The following ZNF10 variants were observed in gnomAD, a reference collection of about 807,000 sequenced individuals.
The protein encoded by ZNF10 is zinc finger protein 10.
In ZNF10, 8 loss-of-function variants were observed where a neutral mutation model predicts 12.2. That is an observed-to-expected ratio of 0.66 (90% CI 0.39 to 1.18). The LOEUF is 1.18. Ranked by LOEUF, ZNF10 falls within the 50% of genes most tolerant of loss-of-function variation. The pLI is 0.01. For missense variants in ZNF10, 603 were observed against 678.9 expected, an observed-to-expected ratio of 0.89 and a Z score of 1.24; for synonymous variants, 229 against 228.2, an observed-to-expected ratio of 1.00 and a Z score of -0.03.
chr12:133,148,007 T>G (rs1304570544), intron 2 of ZNF10, among the ~76,000 whole-genome samples: 1 of 152,174 alleles, frequency 6.6e-6, no homozygotes, highest in Non-Finnish European at 1.5e-5. Flanking sequence ...TAATGTGATT[T>G]GCAAATATTA....
In ZNF10 at chr12:133,158,946, C is replaced by T. The variant is rs990763312; in HGVS notation, c.*1978C>T. On this transcript the variant is annotated 3_prime_UTR_variant, in exon 5 of 5. Coordinates refer to ENST00000248211, the MANE Select transcript of ZNF10 (RefSeq NM_015394.5). ...GCTGCTCTTCTCACTGTGTACACACCATGCCCACATACAACATACCTATCA... is the reference window on the plus strand; with the variant it reads ...GCTGCTCTTCTCACTGTGTACACACTATGCCCACATACAACATACCTATCA... 3 of 152,192 alleles carry T rather than the reference C, an allele frequency of 2.0e-5. No homozygotes were observed. Among genetic ancestry groups the T allele is most frequent in the African/African-American group, 7.2e-5 (3 of 41,438 alleles). The allele number at this position is 152,192 out of a possible 1,614,324, so 9.4% of individuals were successfully genotyped here. A position where few individuals can be genotyped will look rare whatever the true frequency, so the allele number is the denominator to read the frequency against.
intron 4 of ZNF10, among the ~76,000 whole-genome samples, chr12:133,153,724 GC>G (rs1481564455): frequency 1.3e-5 from 2 of 152,152 alleles, no homozygotes; most frequent in Non-Finnish European, 2.9e-5. Flanking sequence ...GTTTCCTGGG[GC>G]TGCGGTAACA....
In ZNF10 at chr12:133,155,848, T is replaced by G; in HGVS notation, c.602T>G (p.Leu201Arg). 6.2e-7 allele frequency: 1 copy of G among 1,613,510 alleles called. No individual in the cohort carries two copies. The highest frequency in any genetic ancestry group is 8.5e-7 in the Non-Finnish European group (1 of 1,179,792). Residue 201 changes from leucine to arginine, a missense_variant, in exon 5 of 5, where the codon CTT (leucine) becomes CGT (arginine). Leu to Arg is a moderately radical substitution (Grantham distance 102). Coordinates refer to ENST00000248211, the MANE Select transcript of ZNF10 (RefSeq NM_015394.5). ...HTKSLKHDLV[L>R]NGHQDSCASN... Reference sequence around the variant, plus strand: ...AAAAGTTTAAAACATGATTTAGTTCTTAATGGTCATCAGGACAGTTGTGCA... The same window carrying G: ...AAAAGTTTAAAACATGATTTAGTTCGTAATGGTCATCAGGACAGTTGTGCA...
At chr12:133,132,538 G>T (rs1205633018) in intron 1 of ZNF10, among the ~76,000 whole-genome samples, 1 of 152,008 alleles carries the variant, frequency 6.6e-6, no homozygotes, top group Non-Finnish European at 1.5e-5. Context: ...GTATTTTAAG[G>T]AAAAAGAAAT....
rs761110981 is a variant in ZNF10 at position 133,155,766 on chromosome 12, C to T, written c.520C>T (p.Leu174Phe). The change falls in exon 5 of 5, where the codon CTT (leucine) becomes TTT (phenylalanine). Residue 174 changes from leucine (L) to phenylalanine (F), a missense_variant. Physicochemically the swap from Leu to Phe is conservative, Grantham distance 22. Around this residue, in one of 3 missense-constraint regions of ZNF10, gnomAD observed 393 missense variants for 399.7 expected, o/e 0.98. Transcript: ENST00000248211. The part of the protein sequence containing the change: ...SESGKYGGNC[L>F]LPAQLVLREY... ...AAGTGGTAAATATGGGGGAAACTGT[C>T]TTCTTCCTGCTCAGCTAGTACTGAG... is the stretch of plus-strand genomic sequence containing the variant. 1.9e-6 allele frequency: 3 copies of T among 1,613,118 alleles called. No homozygotes were observed. Among genetic ancestry groups the T allele is most frequent in the Admixed American group, 1.7e-5 (1 of 59,864 alleles).
intron 1 of ZNF10, among the ~76,000 whole-genome samples, chr12:133,142,144 C>T (rs1280097450): frequency 5.3e-5 from 8 of 152,004 alleles, no homozygotes; most frequent in Non-Finnish European, 1.0e-4. Flanking sequence ...AGAAACAGGC[C>T]GGGCGCGGTG....
intron 2 of ZNF10, among the ~76,000 whole-genome samples, chr12:133,145,441 A>G (rs12315208): frequency 0.24 from 37,185 of 152,086 alleles, 4,985 homozygotes; most frequent in Non-Finnish European, 0.3. Flanking sequence ...GTATAATACT[A>G]TGAGACAGAC....
Position 133,151,922 on chromosome 12 carries a change from G to C in ZNF10, c.256+18G>C. On this transcript the variant is annotated intron_variant, in intron 4 of 4. Coordinates refer to ENST00000248211, the MANE Select transcript of ZNF10 (RefSeq NM_015394.5). ...CCATCCTGGTGAGGACCAGTCAAGA[G>C]TTGTCATAGGCAGCAGCCCAGATGG... is the stretch of plus-strand genomic sequence containing the variant. 6.2e-7 allele frequency: 1 copy of C among 1,607,018 alleles called. No homozygotes were observed. The highest frequency in any genetic ancestry group is 8.5e-7 in the Non-Finnish European group (1 of 1,174,240).
intron 1 of ZNF10, among the ~76,000 whole-genome samples, chr12:133,142,249 C>G (rs1403608109): frequency 6.6e-6 from 1 of 151,958 alleles, no homozygotes; most frequent in Admixed American, 6.6e-5. Context: ...ATGGTGAAAC[C>G]CCGTCTCTAC....
At chr12:133,145,929 G>C (rs1399599572) in intron 2 of ZNF10, among the ~76,000 whole-genome samples, 1 of 152,042 alleles carries the variant, frequency 6.6e-6, no homozygotes, top group African/African-American at 2.4e-5. Flanking sequence ...ACCTTTCAGT[G>C]GTGTCCCCAT....
chr12:133,157,449 G>A lies in ZNF10; in HGVS notation c.*481G>A, dbSNP rs894211535. ...TTTAGTAGTGTTTGGTATGTTTTAT[G>A]TGTCTGGTAGAAACCATATTTTGGT... On this transcript the variant is annotated 3_prime_UTR_variant, in exon 5 of 5. Coordinates refer to ENST00000248211, the MANE Select transcript of ZNF10 (RefSeq NM_015394.5). The A allele has an allele frequency of 5.9e-5, 9 of 152,352 alleles. No homozygotes were observed. Among genetic ancestry groups the A allele is most frequent in the African/African-American group, 2.2e-4 (9 of 41,446 alleles). The allele number at this position is 152,352 out of a possible 1,614,324, so 9.4% of individuals were successfully genotyped here. A position where few individuals can be genotyped will look rare whatever the true frequency, so the allele number is the denominator to read the frequency against.
intron 4 of ZNF10, among the ~76,000 whole-genome samples, chr12:133,155,186 T>C (rs758132894): frequency 8.5e-4 from 129 of 152,194 alleles, no homozygotes; most frequent in Non-Finnish European, 1.4e-3. Flanking sequence ...ACTGTTAATA[T>C]CTGGATTAGA....
intron 1 of ZNF10, among the ~76,000 whole-genome samples, chr12:133,135,611 T>C (rs140502830): frequency 6.6e-6 from 1 of 152,310 alleles, no homozygotes; most frequent in Non-Finnish European, 1.5e-5. Flanking sequence ...GGTATCCCTC[T>C]TTCTGACTCT....
Position 133,155,932 on chromosome 12 carries a change from C to T in ZNF10, c.686C>T (p.Ala229Val), listed in dbSNP as rs546881694. ...FCQNIHLIQF[A>V]RTHTGDKSYK... ...CAAAACATTCACCTTATTCAGTTTG[C>T]AAGAACTCACACAGGTGATAAATCC... The change falls in exon 5 of 5, where the codon GCA (alanine) becomes GTA (valine). Residue 229 changes from alanine to valine, a missense_variant. Transcript: ENST00000248211. 232 of 1,614,038 alleles carry T rather than the reference C, an allele frequency of 1.4e-4. 7 individuals carry two copies. The South Asian group carries it at 2.4e-3, about 17-fold the overall frequency.
intron 4 of ZNF10, among the ~76,000 whole-genome samples, chr12:133,153,050 A>C (rs1956017789): frequency 6.6e-6 from 1 of 151,796 alleles, no homozygotes. Flanking sequence ...TTTTCTTTTT[A>C]TTACTTACCT....
In ZNF10 at chr12:133,156,244, T is replaced by A. The variant is rs372763968; in HGVS notation, c.998T>A (p.Phe333Tyr). 6.2e-7 allele frequency: 1 copy of A among 1,613,960 alleles called. No homozygotes were observed. The highest frequency in any genetic ancestry group is 8.5e-7 in the Non-Finnish European group (1 of 1,180,016). The change falls in exon 5 of 5, where the codon TTC (phenylalanine) becomes TAC (tyrosine). Residue 333 changes from phenylalanine to tyrosine, a missense_variant. Coordinates refer to ENST00000248211, the MANE Select transcript of ZNF10 (RefSeq NM_015394.5). ...CKECGKSFSW[F>Y]SHLVTHQRTH... ...GAATGTGGAAAATCCTTCAGCTGGT[T>A]CTCTCACCTTGTTACTCATCAGAGA...
intron 1 of ZNF10, among the ~76,000 whole-genome samples, chr12:133,141,171 A>G (rs948957832): frequency 4.6e-5 from 7 of 152,220 alleles, no homozygotes; most frequent in Non-Finnish European, 1.0e-4. Context: ...TATACTAGGC[A>G]CTGCTAAATC....
rs1171693965 is a variant in ZNF10, at chr12:133,158,091, G to T, written c.*1123G>T. On this transcript the variant is annotated 3_prime_UTR_variant, in exon 5 of 5. Coordinates refer to ENST00000248211, the MANE Select transcript of ZNF10 (RefSeq NM_015394.5). ...CCCAGGTTGAAACCCCACTAGCTGG[G>T]TGATCTTGAACATGCTGCTTAGCTT... 1.3e-5 allele frequency: 2 copies of T among 152,156 alleles called. No homozygotes were observed. Among genetic ancestry groups the T allele is most frequent in the Admixed American group, 6.6e-5 (1 of 15,266 alleles). The allele number at this position is 152,156 out of a possible 1,614,324, so 9.4% of individuals were successfully genotyped here.
intron 1 of ZNF10, among the ~76,000 whole-genome samples, chr12:133,142,370 A>G (rs922111573): frequency 6.9e-6 from 1 of 145,672 alleles, no homozygotes; most frequent in South Asian, 2.2e-4. Flanking sequence ...AGATCTTGCC[A>G]CTGCACTCCA....
Sources: allele counts gnomAD v4.1 joint callset (sites outside exome capture counted in the v4.1 genomes callset), GRCh38; gene constraint gnomAD v4.1.1; regional missense constraint gnomAD v4.1.1; transcripts MANE v1.5; gene names NCBI Gene and HGNC (gene_info 2026-07-23, HGNC 2026-07-21).